The following FBXL7 variants were observed in gnomAD, a reference collection of about 807,000 sequenced individuals.
FBXL7 encodes F-box/LRR-repeat protein 7.
A neutral mutation model predicts 38.3 loss-of-function variants in FBXL7; 12 were observed. That is an observed-to-expected ratio of 0.31 (90% CI 0.20 to 0.51). The LOEUF is 0.51. Ranked by LOEUF, FBXL7 falls within the 20% of genes least tolerant of loss-of-function variation. FBXL7 has a pLI of 0.98. For missense variants in FBXL7, 567 were observed against 676.4 expected, an observed-to-expected ratio of 0.84 and a Z score of 1.79; for synonymous variants, 297 against 300.9, an observed-to-expected ratio of 0.99 and a Z score of 0.13.
intron 1 of FBXL7, among the ~76,000 whole-genome samples, chr5:15,546,788 A>G (rs1227186985): frequency 6.6e-6 from 1 of 152,202 alleles, no homozygotes; most frequent in Non-Finnish European, 1.5e-5. Flanking sequence ...TGGGTCTCAC[A>G]TTCTTTGCTC....
intron 1 of FBXL7, among the ~76,000 whole-genome samples, chr5:15,552,273 T>C (rs1258400053): frequency 6.6e-6 from 1 of 152,196 alleles, no homozygotes; most frequent in African/African-American, 2.4e-5. Flanking sequence ...CTCTGGTCCA[T>C]GACACAACAG....
At chr5:15,654,028 T>C (rs1029144623) in intron 2 of FBXL7, among the ~76,000 whole-genome samples, 3 of 152,210 alleles carry the variant, frequency 2.0e-5, no homozygotes, top group African/African-American at 7.2e-5. Flanking sequence ...AATGAACCTG[T>C]CAACACATGG....
intron 2 of FBXL7, among the ~76,000 whole-genome samples, chr5:15,879,443 C>G (rs1740351372): frequency 6.6e-6 from 1 of 152,180 alleles, no homozygotes; most frequent in Admixed American, 6.6e-5. Context: ...CTTTAGCCAC[C>G]AAGCAAAACA....
intron 2 of FBXL7, among the ~76,000 whole-genome samples, chr5:15,859,338 C>T (rs1416905974): frequency 6.6e-6 from 1 of 152,138 alleles, no homozygotes. Flanking sequence ...GATTTTGCCC[C>T]ACAGGGAACA....
intron 1 of FBXL7, among the ~76,000 whole-genome samples, chr5:15,610,140 T>TC (rs1740180787): frequency 6.6e-6 from 1 of 152,168 alleles, no homozygotes; most frequent in African/African-American, 2.4e-5. Flanking sequence ...TTCGGTTATC[T>TC]CCCACCAGGG....
intron 2 of FBXL7, among the ~76,000 whole-genome samples, chr5:15,732,450 CT>C (rs199640380): frequency 3.9e-5 from 6 of 151,920 alleles, no homozygotes; most frequent in East Asian, 1.9e-4. Flanking sequence ...TTTCAGTGTT[CT>C]TTTTTTTCCC....
At chr5:15,819,049 G>T (rs1356603709) in intron 2 of FBXL7, among the ~76,000 whole-genome samples, 1 of 152,120 alleles carries the variant, frequency 6.6e-6, no homozygotes, top group Non-Finnish European at 1.5e-5. Flanking sequence ...AAGCCAATTA[G>T]CTAAGGAAAG....
chr5:15,919,085 A>G (rs931770187), intron 2 of FBXL7, among the ~76,000 whole-genome samples: 1 of 152,242 alleles, frequency 6.6e-6, no homozygotes, highest in African/African-American at 2.4e-5. Flanking sequence ...GTTTAAGCTA[A>G]GAAAAGAAAT....
At chr5:15,568,853 TC>T (rs1738674373) in intron 1 of FBXL7, among the ~76,000 whole-genome samples, 1 of 152,158 alleles carries the variant, frequency 6.6e-6, no homozygotes. Context: ...GGGAATCCTT[TC>T]CCCATTTCTT....
chr5:15,772,098 T>G lies in FBXL7; in HGVS notation c.128-155792T>G, dbSNP rs573010004. Among the ~76,000 whole-genome samples, 55 of 152,220 alleles carry G rather than the reference T, an allele frequency of 3.6e-4. No individual in the cohort carries two copies. In the East Asian group the frequency reaches 0.01, roughly 28 times the overall value. ...ATTAACTGACTTTTAATAAAGTAAC[T>G]ATAAGTGATCTAAAAGCCTCAAATA... On this transcript the variant is annotated intron_variant, in intron 2 of 3. Transcript: ENST00000504595.
At chr5:15,861,841 C>T (rs562040965) in intron 2 of FBXL7, among the ~76,000 whole-genome samples, 17 of 152,252 alleles carry the variant, frequency 1.1e-4, no homozygotes, top group African/African-American at 1.9e-4. Context: ...CTGTTATATC[C>T]GCCATATTCC....
At chr5:15,556,014 TATC>T (rs1448598693) in intron 1 of FBXL7, among the ~76,000 whole-genome samples, 1 of 148,412 alleles carries the variant, frequency 6.7e-6, no homozygotes, top group East Asian at 2.0e-4. Context: ...TCTATCTATC[TATC>T]ATCTATCAGT....
chr5:15,668,578 T>C (rs1185674479), intron 2 of FBXL7, among the ~76,000 whole-genome samples: 1 of 152,192 alleles, frequency 6.6e-6, no homozygotes, highest in Non-Finnish European at 1.5e-5. Flanking sequence ...CTCCTCATTT[T>C]GACTGATGGC....
At chr5:15,771,952 G>A (rs1044199345) in intron 2 of FBXL7, among the ~76,000 whole-genome samples, 1 of 151,542 alleles carries the variant, frequency 6.6e-6, no homozygotes, top group Non-Finnish European at 1.5e-5. Flanking sequence ...ATTTTTTTTA[G>A]TAGAGACGAA....
chr5:15,617,634 T>A (rs1740499683), intron 2 of FBXL7, among the ~76,000 whole-genome samples: 1 of 152,150 alleles, frequency 6.6e-6, no homozygotes, highest in Non-Finnish European at 1.5e-5. Flanking sequence ...AAATGGGGTT[T>A]TACCATGTTG....
chr5:15,667,473 A>G (rs1379987501), intron 2 of FBXL7, among the ~76,000 whole-genome samples: 1 of 152,176 alleles, frequency 6.6e-6, no homozygotes, highest in African/African-American at 2.4e-5. Context: ...GATAAACCTA[A>G]GAAGAGTTTC....
chr5:15,930,100 A>G (rs1251719215), intron 3 of FBXL7, among the ~76,000 whole-genome samples: 1 of 152,176 alleles, frequency 6.6e-6, no homozygotes, highest in African/African-American at 2.4e-5. Context: ...CTGCTCCTCT[A>G]CTTCAGTTGG....
At position 15,848,505 on chromosome 5, in the gene FBXL7, C is replaced by T. The variant is rs187776904; in HGVS notation, c.128-79385C>T. 6.6e-4 allele frequency among the ~76,000 whole-genome samples: 100 copies of T among 152,190 alleles called. No individual in the cohort carries two copies. In the East Asian group the frequency reaches 0.017, roughly 27 times the overall value. On this transcript the variant is annotated intron_variant, in intron 2 of 3. Transcript: ENST00000504595. ...CAAGCGATTCTCCTGCCTCAGCCTC[C>T]CGAGTAGCTGGGATTACCAGCACCT...
chr5:15,727,243 A>C (rs1413265030), intron 2 of FBXL7, among the ~76,000 whole-genome samples: 1 of 152,038 alleles, frequency 6.6e-6, no homozygotes, highest in African/African-American at 2.4e-5. Flanking sequence ...GTTATATCTC[A>C]TTGTTACTGT....
Sources: gnomAD v4.1 joint callset for allele counts (sites outside exome capture counted in the v4.1 genomes callset) on GRCh38, gnomAD v4.1.1 for gene constraint, MANE v1.5 for transcripts, NCBI Gene and HGNC (gene_info 2026-07-23, HGNC 2026-07-21) for gene names.